Variants in TRPC4 observed in about 807,000 individuals in gnomAD.
The protein encoded by TRPC4 is transient receptor potential cation channel subfamily C member 4.
TRPC4 carries 49 observed loss-of-function variants against 99.4 expected under a neutral mutation model. The ratio of observed to expected loss-of-function variants is 0.49; its 90% CI spans 0.39 to 0.63. The LOEUF (loss-of-function observed/expected upper bound fraction) is 0.63. TRPC4 is among the 20% of genes least tolerant of loss of function. The probability of loss-of-function intolerance (pLI) is 0.00; values close to 1 mark genes in which losing one functional copy is unlikely to be tolerated. For synonymous variants in TRPC4, 454 were observed against 425.9 expected, an observed-to-expected ratio of 1.07 and a Z score of -0.81; for missense variants, 898 against 1,152.9, an observed-to-expected ratio of 0.78 and a Z score of 3.20.
chr13:37,868,684 C>T (rs1959942752), intron 1 of TRPC4, among the ~76,000 whole-genome samples: 2 of 151,714 alleles, frequency 1.3e-5, no homozygotes, highest in African/African-American at 2.4e-5. Context: ...TCTTCCTACT[C>T]CTTTGGCTTG....
intron 3 of TRPC4, among the ~76,000 whole-genome samples, chr13:37,745,239 A>T (rs1955704450): frequency 6.6e-6 from 1 of 151,508 alleles, no homozygotes; most frequent in Non-Finnish European, 1.5e-5. Context: ...CCAGGACCTC[A>T]TGTGGATACC....
intron 3 of TRPC4, among the ~76,000 whole-genome samples, chr13:37,744,318 G>T (rs1955678480): frequency 6.6e-6 from 1 of 152,038 alleles, no homozygotes; most frequent in Non-Finnish European, 1.5e-5. Context: ...TTTCATCAAT[G>T]TATCTTATCA....
intron 1 of TRPC4, among the ~76,000 whole-genome samples, chr13:37,811,380 C>G (rs1446100964): frequency 6.6e-6 from 1 of 152,066 alleles, no homozygotes; most frequent in Non-Finnish European, 1.5e-5. Context: ...GACAGTGATC[C>G]TGAGCAACAG....
intron 1 of TRPC4, among the ~76,000 whole-genome samples, chr13:37,864,557 A>G (rs1441085332): frequency 1.3e-5 from 2 of 151,762 alleles, no homozygotes; most frequent in African/African-American, 4.8e-5. Flanking sequence ...AGTATAAAAT[A>G]CATTAATTAT....
chr13:37,670,175 C>T (rs1400521700), intron 5 of TRPC4, among the ~76,000 whole-genome samples: 2 of 152,038 alleles, frequency 1.3e-5, no homozygotes, highest in South Asian at 4.1e-4. Context: ...TCTGTAACTG[C>T]AAGAAATAAA....
intron 2 of TRPC4, among the ~76,000 whole-genome samples, chr13:37,750,573 A>G (rs187727514): frequency 1.3e-5 from 2 of 152,066 alleles, no homozygotes; most frequent in African/African-American, 2.4e-5. Context: ...TAAGTTTCGG[A>G]ATATTGAAAC....
chr13:37,760,737 C>G (rs1193799145), intron 2 of TRPC4, among the ~76,000 whole-genome samples: 1 of 151,876 alleles, frequency 6.6e-6, no homozygotes, highest in Non-Finnish European at 1.5e-5. Context: ...ATCTCATCAG[C>G]TATTGTGAGT....
Position 37,636,819 on chromosome 13 carries a change from G to A in TRPC4, c.*84C>T. 2 of 1,499,272 alleles carry A rather than the reference G, an allele frequency of 1.3e-6. No individual in the cohort carries two copies. Among genetic ancestry groups the A allele is most frequent in the Non-Finnish European group, 8.9e-7 (1 of 1,120,492 alleles). 92.9% of individuals were successfully genotyped at this position (1,499,272 alleles called of 1,614,324 possible). The stretch of plus-strand genomic sequence containing the variant: ...CGCTATAAAGTGTAAGTTAGCATTT[G>A]CTAATACAATTTAAACATTTTCCCC... On this transcript the variant is annotated 3_prime_UTR_variant, in exon 11 of 11. Transcript: ENST00000379705.
In TRPC4 at chr13:37,651,389, G is replaced by A; in HGVS notation, c.1955C>T (p.Thr652Ile). 1.2e-6 allele frequency: 2 copies of A among 1,614,078 alleles called. No individual in the cohort carries two copies. Among genetic ancestry groups the A allele is most frequent in the Non-Finnish European group, 1.7e-6 (2 of 1,179,966 alleles). The stretch of plus-strand genomic sequence containing the variant: ...GATGACATTGAAGGGAGTAGGCAGA[G>A]TACCTCCTTCTTCAAAATAACTCAT... ...LWMSYFEEGG[T>I]LPTPFNVIPS... is the part of the protein sequence containing the mutation. Residue 652 changes from threonine to isoleucine, a missense_variant, in exon 8 of 11, where the codon ACT (threonine) becomes ATT (isoleucine). Physicochemically the swap from Thr to Ile is moderately conservative, Grantham distance 89. Around this residue, in one of 3 missense-constraint regions of TRPC4, gnomAD observed 274 missense variants for 454.9 expected, o/e 0.60. Coordinates refer to ENST00000379705, the MANE Select transcript of TRPC4 (RefSeq NM_016179.4).
intron 1 of TRPC4, among the ~76,000 whole-genome samples, chr13:37,815,852 A>G (rs1488070382): frequency 1.3e-5 from 2 of 151,308 alleles, no homozygotes; most frequent in Non-Finnish European, 3.0e-5. Flanking sequence ...TCTAAAACTG[A>G]CAATCCAATT....
intron 1 of TRPC4, among the ~76,000 whole-genome samples, chr13:37,802,448 G>C (rs1441520631): frequency 6.6e-6 from 1 of 152,028 alleles, no homozygotes; most frequent in African/African-American, 2.4e-5. Flanking sequence ...AGGATTACTG[G>C]TCAGATATTC....
At chr13:37,774,634 C>T (rs1420297020) in intron 2 of TRPC4, among the ~76,000 whole-genome samples, 1 of 151,340 alleles carries the variant, frequency 6.6e-6, no homozygotes, top group Non-Finnish European at 1.5e-5. Context: ...GGTTATTTTC[C>T]CTGATCCTGT....
At chr13:37,732,575 T>C (rs568463326) in intron 3 of TRPC4, among the ~76,000 whole-genome samples, 1 of 152,228 alleles carries the variant, frequency 6.6e-6, no homozygotes, top group South Asian at 2.1e-4. Flanking sequence ...CCATAAAGGC[T>C]TCACAAAAAA....
At chr13:37,830,275 T>C (rs112406934) in intron 1 of TRPC4, among the ~76,000 whole-genome samples, 62 of 152,116 alleles carry the variant, frequency 4.1e-4, no homozygotes, top group African/African-American at 1.1e-3. Flanking sequence ...TTAAAGGAAG[T>C]TTTTTACACA....
chr13:37,706,217 C>T (rs762788565), intron 3 of TRPC4, among the ~76,000 whole-genome samples: 5 of 152,120 alleles, frequency 3.3e-5, no homozygotes, highest in Non-Finnish European at 1.5e-5. Flanking sequence ...TAGCAGAAGG[C>T]TTATGGGTTT....
chr13:37,735,883 C>T (rs1472257033), intron 3 of TRPC4, among the ~76,000 whole-genome samples: 1 of 152,106 alleles, frequency 6.6e-6, no homozygotes, highest in East Asian at 1.9e-4. Flanking sequence ...TTTGAAACTA[C>T]AATTTGCTGT....
At chr13:37,655,050 G>C (rs1449239696) in intron 7 of TRPC4, 38 bp downstream of exon 7, 14 of 1,420,590 alleles carry the variant, frequency 9.9e-6, no homozygotes, top group Non-Finnish European at 1.3e-5. Flanking sequence ...ACACATTCTA[G>C]AGGAAACATT....
At chr13:37,731,140 T>C (rs1593608561) in intron 3 of TRPC4, among the ~76,000 whole-genome samples, 1 of 152,076 alleles carries the variant, frequency 6.6e-6, no homozygotes, top group Non-Finnish European at 1.5e-5. Flanking sequence ...CATCAGAATT[T>C]ATTACATTAC....
chr13:37,760,641 G>A (rs1422893736), intron 2 of TRPC4, among the ~76,000 whole-genome samples: 1 of 151,940 alleles, frequency 6.6e-6, no homozygotes, highest in African/African-American at 2.4e-5. Context: ...CAGGCTGTAT[G>A]TGGCCCAGGA....
Sources: allele counts gnomAD v4.1 joint callset (sites outside exome capture counted in the v4.1 genomes callset), GRCh38; gene constraint gnomAD v4.1.1; regional missense constraint gnomAD v4.1.1; transcripts MANE v1.5; gene names NCBI Gene and HGNC (gene_info 2026-07-23, HGNC 2026-07-21).